Variants in DSTYK observed in about 807,000 individuals in gnomAD.
The protein encoded by DSTYK is dual serine/threonine and tyrosine protein kinase, also known as RIP-homologous kinase.
Under a neutral mutation model 98.7 loss-of-function variants are expected in DSTYK, and 34 were observed. The observed-to-expected ratio is 0.34, with a 90% CI of 0.26 to 0.46. The LOEUF (loss-of-function observed/expected upper bound fraction) is 0.46, where lower values mean the gene tolerates loss of function less well. DSTYK is among the 20% of genes least tolerant of loss of function. The pLI, the probability that DSTYK is intolerant of heterozygous loss-of-function variation, is 1.00. For synonymous variants in DSTYK, 462 were observed against 457.3 expected (o/e 1.01, Z -0.13); for missense variants, 962 against 1,181.7 (o/e 0.81, Z 2.73).
chr1:205,156,682 T>C (rs1172044694), intron 10 of DSTYK, among the ~76,000 whole-genome samples: 1 of 152,178 alleles, frequency 6.6e-6, no homozygotes, highest in Non-Finnish European at 1.5e-5. Flanking sequence ...ACTTTGGACT[T>C]GGACTTTTGG....
At position 205,148,485 on chromosome 1, in the gene DSTYK, G is replaced by T. The variant is rs888140861; in HGVS notation, c.2468-146C>A. On this transcript the variant is annotated intron_variant, in intron 11 of 12. Coordinates refer to ENST00000367162, the MANE Select transcript of DSTYK (RefSeq NM_015375.3). ...ATAACAACCCTGCCAGGTAGGCAGGGTACATTTATAATGCCCATTTTACAA... is the reference window on the plus strand; with the variant it reads ...ATAACAACCCTGCCAGGTAGGCAGGTTACATTTATAATGCCCATTTTACAA... 57 of 989,504 alleles carry T rather than the reference G, an allele frequency of 5.8e-5. 1 individual carries two copies. Among genetic ancestry groups the T allele is most frequent in the South Asian group, 3.7e-4 (22 of 59,434 alleles). 61.3% of individuals were successfully genotyped at this position (989,504 alleles called of 1,614,324 possible). A position where few individuals can be genotyped will look rare whatever the true frequency, so the allele number is the denominator to read the frequency against.
intron 12 of DSTYK, 128 bp downstream of exon 12, chr1:205,148,077 A>C: frequency 1.9e-6 from 2 of 1,072,880 alleles, no homozygotes; most frequent in African/African-American, 1.6e-5. Context: ...GATTCATGAC[A>C]GTTTAAACGT....
chr1:205,165,380 T>G (rs1223830020), intron 3 of DSTYK, among the ~76,000 whole-genome samples: 2 of 152,142 alleles, frequency 1.3e-5, no homozygotes, highest in Non-Finnish European at 1.5e-5. Flanking sequence ...CATGAGCCAT[T>G]GCCGCCGGCC....
rs11801164 is a variant in DSTYK at position 205,150,642 on chromosome 1, C to G, written c.2467+38G>C. 2 of 1,502,486 alleles carry G rather than the reference C, an allele frequency of 1.3e-6. No homozygotes were observed. The highest frequency in any genetic ancestry group is 2.3e-5 in the East Asian group (1 of 44,246). 93.1% of individuals were successfully genotyped at this position (1,502,486 alleles called of 1,614,324 possible). On this transcript the variant is annotated intron_variant, in intron 11 of 12. Coordinates refer to ENST00000367162, the MANE Select transcript of DSTYK (RefSeq NM_015375.3). This position sits in a 1 kb window ranked among gnomAD's most constrained non-coding sequence, Gnocchi z 4.1. ...GGTAGCACTCAGGATTAAAGTAGTA[C>G]GCCCTGCCCAGACCCACTGCCTGCC...
In DSTYK at chr1:205,185,964, A is replaced by G. The variant is rs574692332; in HGVS notation, c.654+1454T>C. 4.5e-3 allele frequency among the ~76,000 whole-genome samples: 678 copies of G among 152,334 alleles called. 5 individuals carry two copies. The highest frequency in any genetic ancestry group is 0.012 in the South Asian group (60 of 4,826). On this transcript the variant is annotated intron_variant, in intron 2 of 12. Coordinates refer to ENST00000367162, the MANE Select transcript of DSTYK (RefSeq NM_015375.3). ...CTTGAACCCAGGAAGCGGAGATTGC[A>G]GTGAACTGAGATCGCACCATTGCAC...
At chr1:205,202,226 A>G (rs748262962) in intron 1 of DSTYK, 3 of 583,392 alleles carry the variant, frequency 5.1e-6, no homozygotes, top group African/African-American at 1.9e-5. Flanking sequence ...AGAACCCCAC[A>G]AAATCATGCA....
At position 205,144,829 on chromosome 1, in the gene DSTYK, C is replaced by G. The variant is rs1657175798; in HGVS notation, c.*2729G>C. 6.6e-6 allele frequency: 1 copy of G among 152,188 alleles called. No individual in the cohort carries two copies. Among genetic ancestry groups the G allele is most frequent in the African/African-American group, 2.4e-5 (1 of 41,440 alleles). The allele number at this position is 152,188 out of a possible 1,614,324, so 9.4% of individuals were successfully genotyped here. ...GGGGAATCTGCTAGAGAACTGGTAT[C>G]TGACAGCAAACTAAGCCGTGGGGTA... On this transcript the variant is annotated 3_prime_UTR_variant, in exon 13 of 13. Transcript: ENST00000367162.
intron 1 of DSTYK, chr1:205,202,078 G>A (rs554825103): frequency 5.8e-4 from 224 of 388,854 alleles, no homozygotes; most frequent in African/African-American, 4.4e-3. Context: ...AAGGGGAGAG[G>A]GGAAAGGGAG....
Position 205,211,504 on chromosome 1 carries a change from T to C in DSTYK, c.32A>G (p.Glu11Gly), listed in dbSNP as rs780062821. The part of the protein sequence containing the change: MEGDGVPWGS[E>G]PVSGPGPGGG... ...GCCGGGGCCGGGACCCGAGACGGGC[T>C]CGCTGCCCCATGGCACCCCGTCGCC... Residue 11 changes from glutamate to glycine, a missense_variant, in exon 1 of 13, where the codon GAG (glutamate) becomes GGG (glycine). Coordinates refer to ENST00000367162, the MANE Select transcript of DSTYK (RefSeq NM_015375.3). The C allele has an allele frequency of 5.7e-6, 9 of 1,571,928 alleles. No individual in the cohort carries two copies. Among genetic ancestry groups the C allele is most frequent in the Middle Eastern group, 1.7e-4 (1 of 5,784 alleles).
chr1:205,175,682 G>A (rs1658207558), intron 2 of DSTYK, among the ~76,000 whole-genome samples: 1 of 152,154 alleles, frequency 6.6e-6, no homozygotes, highest in Non-Finnish European at 1.5e-5. Flanking sequence ...GAGACAGGGA[G>A]TGAAAAAATA....
intron 12 of DSTYK, among the ~76,000 whole-genome samples, 190 bp from the exon 13 acceptor site, chr1:205,147,935 G>A (rs984323049): frequency 6.6e-6 from 1 of 151,376 alleles, no homozygotes; most frequent in African/African-American, 2.4e-5. Flanking sequence ...AAGAAAGAAA[G>A]AAAAAGAAAA....
At position 205,156,429 on chromosome 1, in the gene DSTYK, T is replaced by C. The variant is rs143806894; in HGVS notation, c.2352+844A>G. 1.2e-4 allele frequency among the ~76,000 whole-genome samples: 18 copies of C among 152,230 alleles called. 1 individual carries two copies. The East Asian group carries it at 3.5e-3, about 29-fold the overall frequency. On this transcript the variant is annotated intron_variant, in intron 10 of 12. Coordinates refer to ENST00000367162, the MANE Select transcript of DSTYK (RefSeq NM_015375.3). ...CATGGGAGACCACCTCTTGCATGAG[T>C]GTGCCCTGGATGTAAGACATGGAGT...
intron 10 of DSTYK, among the ~76,000 whole-genome samples, chr1:205,151,555 C>G (rs1174276598): frequency 6.6e-6 from 1 of 151,862 alleles, no homozygotes; most frequent in African/African-American, 2.4e-5. Flanking sequence ...CTCAAGGCAG[C>G]CTTGAACTTC....
rs1457217354 is a variant in DSTYK at position 205,211,436 on chromosome 1, A to G, written c.100T>C (p.Tyr34His). 6.2e-7 allele frequency: 1 copy of G among 1,604,734 alleles called. No homozygotes were observed. The highest frequency in any genetic ancestry group is 1.3e-5 in the African/African-American group (1 of 74,852). Residue 34 changes from tyrosine (Y) to histidine (H), a missense_variant, in exon 1 of 13, where the codon TAC (tyrosine) becomes CAC (histidine). By Grantham distance (83) the Tyr-to-His change is moderately conservative. Coordinates refer to ENST00000367162, the MANE Select transcript of DSTYK (RefSeq NM_015375.3). The part of the protein sequence containing the change: ...IRELCRGFGR[Y>H]RRYLGRLRQN... Reference sequence around the variant, plus strand: ...CGCAGCCGTCCCAGGTAGCGGCGGTAGCGGCCGAAGCCCCGGCACAGCTCG... The same window carrying G: ...CGCAGCCGTCCCAGGTAGCGGCGGTGGCGGCCGAAGCCCCGGCACAGCTCG...
chr1:205,202,384 G>C, intron 1 of DSTYK: 1 of 734,768 alleles, frequency 1.4e-6, no homozygotes, highest in East Asian at 2.6e-5. Flanking sequence ...CATTACAATG[G>C]TTGCGTTGGT....
At position 205,144,445 on chromosome 1, in the gene DSTYK, T is replaced by C. The variant is rs980401695; in HGVS notation, c.*3113A>G. 26 of 152,608 alleles carry C rather than the reference T, an allele frequency of 1.7e-4. No homozygotes were observed. The highest frequency in any genetic ancestry group is 5.8e-4 in the African/African-American group (24 of 41,414). 9.5% of individuals were successfully genotyped at this position (152,608 alleles called of 1,614,324 possible). A position where few individuals can be genotyped will look rare whatever the true frequency, so the allele number is the denominator to read the frequency against. On this transcript the variant is annotated 3_prime_UTR_variant, in exon 13 of 13. Coordinates refer to ENST00000367162, the MANE Select transcript of DSTYK (RefSeq NM_015375.3). ...ATAACCCAAGTGCTGCCAGACTTCT[T>C]TGAAAACCTAGTGTCCTCCCAAGTA...
chr1:205,187,868 GGAGAGA>G, intron 1 of DSTYK, 62 bp from the exon 2 acceptor site: 1 of 1,429,436 alleles, frequency 7.0e-7, no homozygotes, highest in African/African-American at 1.4e-5. Context: ...GTGAGGAAGG[GGAGAGA>G]GAGAGACTCA....
chr1:205,158,012 C>G (rs1436406846), intron 9 of DSTYK, among the ~76,000 whole-genome samples: 2 of 152,118 alleles, frequency 1.3e-5, no homozygotes, highest in Non-Finnish European at 2.9e-5. Context: ...CTAGGTCCCT[C>G]AGGAAGATTT....
At chr1:205,180,967 A>G (rs914856941) in intron 2 of DSTYK, among the ~76,000 whole-genome samples, 1 of 152,232 alleles carries the variant, frequency 6.6e-6, no homozygotes, top group African/African-American at 2.4e-5. Context: ...GGTGAGAGAG[A>G]TATTAAAAAC....
Sources: allele counts gnomAD v4.1 joint callset (sites outside exome capture counted in the v4.1 genomes callset), GRCh38; gene constraint gnomAD v4.1.1; non-coding constraint Gnocchi (gnomAD v3.1); transcripts MANE v1.5; gene names NCBI Gene and HGNC (gene_info 2026-07-23, HGNC 2026-07-21).